EBF2: variants seen among roughly 807,000 people sequenced by gnomAD.
EBF2 encodes transcription factor COE2.
EBF2 carries 21 observed loss-of-function variants against 72.8 expected under a neutral mutation model. That is an observed-to-expected ratio of 0.29 (90% CI 0.20 to 0.42). The LOEUF (loss-of-function observed/expected upper bound fraction) is 0.42. Ranked by LOEUF, EBF2 falls within the 10% of genes least tolerant of loss-of-function variation. EBF2 has a pLI of 1.00. For missense variants in EBF2, 637 were observed against 731.2 expected (o/e 0.87, Z 1.49); for synonymous variants, 299 against 274.2 (o/e 1.09, Z -0.89).
intron 7 of EBF2, among the ~76,000 whole-genome samples, chr8:25,890,332 G>A (rs1428257622): frequency 6.6e-6 from 1 of 152,234 alleles, no homozygotes; most frequent in Non-Finnish European, 1.5e-5. Flanking sequence ...ATGCTGGCTG[G>A]TGAATTGTCT....
intron 10 of EBF2, among the ~76,000 whole-genome samples, chr8:25,870,837 A>T (rs962818906): frequency 6.6e-6 from 1 of 151,940 alleles, no homozygotes; most frequent in Non-Finnish European, 1.5e-5. Flanking sequence ...TCCCTGCCAG[A>T]CTTCATAGGC....
In EBF2 at chr8:25,928,782, GAA is replaced by G. The variant is rs71551838; in HGVS notation, c.552-20229_552-20228del. Among the ~76,000 whole-genome samples the G allele has an allele frequency of 1.4e-4, 15 of 110,374 alleles. 1 individual carries two copies. The highest frequency in any genetic ancestry group is 3.0e-4 in the Admixed American group (3 of 9,904). The allele number at this position is 110,374 out of a possible 152,430, so 72.4% of individuals were successfully genotyped here. A position where few individuals can be genotyped will look rare whatever the true frequency, so the allele number is the denominator to read the frequency against. ...ATTAATAATAAAATGATTTTTAAATGAAAAAAAAAAAAAAAAAAACCAGGGAA... is the reference window on the plus strand; with the variant it reads ...ATTAATAATAAAATGATTTTTAAATGAAAAAAAAAAAAAAAAACCAGGGAA... On this transcript the variant is annotated intron_variant, in intron 6 of 15. Transcript: ENST00000520164.
intron 7 of EBF2, 151 bp from the exon 8 acceptor site, chr8:25,890,020 T>C: frequency 1.5e-6 from 1 of 665,544 alleles, no homozygotes; most frequent in Non-Finnish European, 2.7e-6. Flanking sequence ...TTTCTCCTTC[T>C]GTAATTATGT....
intron 7 of EBF2, among the ~76,000 whole-genome samples, chr8:25,901,702 T>A (rs953071267): frequency 9.8e-5 from 15 of 152,314 alleles, no homozygotes; most frequent in Non-Finnish European, 1.8e-4. Context: ...AAACTATTCA[T>A]AAGAGCATCC....
Position 25,861,290 on chromosome 8 carries a change from T to C in EBF2, c.1164+19A>G, listed in dbSNP as rs769913511. 8.1e-6 allele frequency: 13 copies of C among 1,614,168 alleles called. No individual in the cohort carries two copies. Among genetic ancestry groups the C allele is most frequent in the African/African-American group, 1.3e-5 (1 of 75,044 alleles). ...ATAAAGTGCAAAACTCAATAAAGGA[T>C]AGGATGTCAGTATCTCACCTGGTTA... On this transcript the variant is annotated intron_variant, in intron 12 of 15. Transcript: ENST00000520164.
chr8:25,971,477 C>T (rs1346494252), intron 6 of EBF2, among the ~76,000 whole-genome samples: 1 of 152,100 alleles, frequency 6.6e-6, no homozygotes, highest in Non-Finnish European at 1.5e-5. Flanking sequence ...TCAAGAATTG[C>T]CCAGGGCAAG....
chr8:26,022,857 G>A (rs1805225991), intron 6 of EBF2, among the ~76,000 whole-genome samples: 1 of 152,180 alleles, frequency 6.6e-6, no homozygotes, highest in African/African-American at 2.4e-5. Context: ...TGGCTGACAA[G>A]CTTGGAGCCT....
intron 10 of EBF2, among the ~76,000 whole-genome samples, chr8:25,876,967 T>A (rs1277530540): frequency 2.0e-5 from 3 of 152,210 alleles, no homozygotes. Flanking sequence ...TGTCTTATGA[T>A]AGAACTTATA....
chr8:25,986,160 T>C (rs936046943), intron 6 of EBF2, among the ~76,000 whole-genome samples: 6 of 152,226 alleles, frequency 3.9e-5, no homozygotes, highest in Middle Eastern at 3.4e-3. Context: ...GTTCTTGCCT[T>C]CTTGAAGCTT....
chr8:25,967,963 A>G (rs1804139321), intron 6 of EBF2, among the ~76,000 whole-genome samples: 2 of 152,240 alleles, frequency 1.3e-5, no homozygotes, highest in Non-Finnish European at 2.9e-5. Context: ...CAGAATATAT[A>G]CACACAATAT....
intron 11 of EBF2, among the ~76,000 whole-genome samples, chr8:25,862,356 A>T (rs1392677310): frequency 1.3e-5 from 2 of 152,200 alleles, no homozygotes; most frequent in African/African-American, 4.8e-5. Flanking sequence ...TTGTGGATTA[A>T]TGAGTCCTTG....
chr8:25,949,456 C>T (rs962299895), intron 6 of EBF2, among the ~76,000 whole-genome samples: 1 of 152,174 alleles, frequency 6.6e-6, no homozygotes, highest in African/African-American at 2.4e-5. Flanking sequence ...TCATTAACTA[C>T]TAATTGGGCT....
intron 6 of EBF2, among the ~76,000 whole-genome samples, chr8:26,030,020 T>C (rs552497543): frequency 1.3e-5 from 2 of 152,260 alleles, no homozygotes; most frequent in African/African-American, 4.8e-5. Flanking sequence ...CAAGTGATCC[T>C]CCTACCTCAG....
chr8:25,927,077 G>T (rs1429706381), intron 6 of EBF2, among the ~76,000 whole-genome samples: 1 of 152,126 alleles, frequency 6.6e-6, no homozygotes, highest in African/African-American at 2.4e-5. Flanking sequence ...CAAACTGGTT[G>T]ACTCTAAGTA....
At chr8:25,858,742 C>G (rs1039974598) in intron 13 of EBF2, among the ~76,000 whole-genome samples, 5 of 147,826 alleles carry the variant, frequency 3.4e-5, no homozygotes, top group African/African-American at 7.6e-5. Context: ...TCACTGCAAC[C>G]TCTGCTGCCC....
At chr8:25,886,402 C>T (rs936875002) in intron 10 of EBF2, among the ~76,000 whole-genome samples, 1 of 152,196 alleles carries the variant, frequency 6.6e-6, no homozygotes, top group African/African-American at 2.4e-5. Context: ...CACTAGGCAA[C>T]TCTCTTGAAT....
intron 6 of EBF2, among the ~76,000 whole-genome samples, chr8:25,989,867 A>G (rs991157417): frequency 6.6e-6 from 1 of 152,242 alleles, no homozygotes; most frequent in African/African-American, 2.4e-5. Flanking sequence ...CAGCCTCACC[A>G]GGAAGCCTTA....
At chr8:25,904,076 G>A (rs1180686281) in intron 7 of EBF2, among the ~76,000 whole-genome samples, 1 of 152,070 alleles carries the variant, frequency 6.6e-6, no homozygotes, top group African/African-American at 2.4e-5. Context: ...TGCCTATTGG[G>A]CTTTAAATGA....
intron 7 of EBF2, among the ~76,000 whole-genome samples, chr8:25,890,181 C>T (rs185196821): frequency 6.6e-6 from 1 of 152,320 alleles, no homozygotes; most frequent in South Asian, 2.1e-4. Flanking sequence ...GGACCGCCAC[C>T]GCCAGTGGAG....
Sources: allele counts gnomAD v4.1 joint callset (sites outside exome capture counted in the v4.1 genomes callset), GRCh38; gene constraint gnomAD v4.1.1; transcripts MANE v1.5; gene names NCBI Gene and HGNC (gene_info 2026-07-23, HGNC 2026-07-21).